The following KIF16B variants were observed in gnomAD, a reference collection of about 807,000 sequenced individuals.
The protein encoded by KIF16B is kinesin-like protein KIF16B.
Under a neutral mutation model 156.3 loss-of-function variants are expected in KIF16B, and 98 were observed. That is an observed-to-expected ratio of 0.63 (90% CI 0.53 to 0.74). The LOEUF is 0.74. KIF16B is among the 30% of genes least tolerant of loss of function. KIF16B has a pLI of 0.00. For missense variants in KIF16B, 1,421 were observed against 1,606.5 expected, an observed-to-expected ratio of 0.88 and a Z score of 1.97; for synonymous variants, 564 against 583.7, an observed-to-expected ratio of 0.97 and a Z score of 0.49.
intron 1 of KIF16B, among the ~76,000 whole-genome samples, chr20:16,566,692 T>C (rs1450010434): frequency 6.6e-6 from 1 of 152,174 alleles, no homozygotes; most frequent in Non-Finnish European, 1.5e-5. Flanking sequence ...AGGTAGAAAG[T>C]AAAAGAGCTG....
intron 22 of KIF16B, among the ~76,000 whole-genome samples, chr20:16,369,750 G>A (rs2064771354): frequency 6.6e-6 from 1 of 152,114 alleles, no homozygotes; most frequent in Non-Finnish European, 1.5e-5. Context: ...TTGTTTCATG[G>A]GGATCAAATG....
intron 22 of KIF16B, chr20:16,367,994 A>T (rs2064719209): frequency 7.0e-7 from 1 of 1,429,932 alleles, no homozygotes; most frequent in Admixed American, 2.9e-5. Context: ...GACAGGACCA[A>T]AGCATATAAA....
chr20:16,337,784 C>A (rs2064067396), intron 23 of KIF16B, among the ~76,000 whole-genome samples: 1 of 152,170 alleles, frequency 6.6e-6, no homozygotes, highest in Admixed American at 6.5e-5. Context: ...GCCCAACAAT[C>A]CACAGTCTTG....
At chr20:16,374,798 T>A (rs1193832027) in intron 19 of KIF16B, among the ~76,000 whole-genome samples, 1 of 152,216 alleles carries the variant, frequency 6.6e-6, no homozygotes, top group Middle Eastern at 3.2e-3. Flanking sequence ...ATGAAAAAGA[T>A]CTATGTTTTA....
intron 1 of KIF16B, among the ~76,000 whole-genome samples, chr20:16,538,687 AAC>A (rs200367910): frequency 1.3e-5 from 2 of 152,334 alleles, no homozygotes; most frequent in South Asian, 2.1e-4. Flanking sequence ...GAGTTAGAAG[AAC>A]ATTTATTTTT....
At chr20:16,453,680 A>C (rs887703717) in intron 12 of KIF16B, among the ~76,000 whole-genome samples, 8 of 152,334 alleles carry the variant, frequency 5.3e-5, no homozygotes, top group Non-Finnish European at 7.4e-5. Flanking sequence ...AAGGAAATGT[A>C]ATTAATCGGC....
chr20:16,320,759 A>C (rs1162074237), intron 24 of KIF16B, among the ~76,000 whole-genome samples: 1 of 152,240 alleles, frequency 6.6e-6, no homozygotes, highest in Non-Finnish European at 1.5e-5. Flanking sequence ...AGATCTCAGA[A>C]TATAACTTAA....
chr20:16,305,789 T>A (rs1230092664), intron 25 of KIF16B, among the ~76,000 whole-genome samples: 2 of 152,196 alleles, frequency 1.3e-5, no homozygotes, highest in Non-Finnish European at 2.9e-5. Context: ...TGTCTTTCTG[T>A]TCCTGGCTTA....
Position 16,368,749 on chromosome 20 carries a change from T to C in KIF16B, c.3498+1837A>G, listed in dbSNP as rs572380721. 1.3e-4 allele frequency: 128 copies of C among 985,894 alleles called. No individual in the cohort carries two copies. The African/African-American group carries it at 2.1e-3, about 17-fold the overall frequency. 61.1% of individuals were successfully genotyped at this position (985,894 alleles called of 1,614,324 possible). ...GGCACTGCAGGATGCTCTCTCCTCATGGGAAATGCCTTCAGACAGAACCAA... is the reference window on the plus strand; with the variant it reads ...GGCACTGCAGGATGCTCTCTCCTCACGGGAAATGCCTTCAGACAGAACCAA... On this transcript the variant is annotated intron_variant, in intron 22 of 25. Coordinates refer to ENST00000354981, the MANE Select transcript of KIF16B (RefSeq NM_024704.5).
intron 22 of KIF16B, among the ~76,000 whole-genome samples, chr20:16,366,109 T>C (rs979446119): frequency 1.3e-5 from 2 of 151,940 alleles, no homozygotes; most frequent in Admixed American, 6.6e-5. Flanking sequence ...TCAGAGGAGC[T>C]AGAGACCCTG....
At chr20:16,492,728 G>A (rs1600534679) in intron 12 of KIF16B, among the ~76,000 whole-genome samples, 1 of 152,084 alleles carries the variant, frequency 6.6e-6, no homozygotes, top group South Asian at 2.1e-4. Context: ...AAGAGACGGA[G>A]CTTCCATCTT....
intron 12 of KIF16B, among the ~76,000 whole-genome samples, chr20:16,447,692 T>C (rs967249972): frequency 1.1e-4 from 17 of 152,198 alleles, no homozygotes; most frequent in African/African-American, 4.1e-4. Flanking sequence ...GCTAAAGCCA[T>C]AAGCAGCTGT....
intron 1 of KIF16B, among the ~76,000 whole-genome samples, chr20:16,529,104 A>G (rs2069655176): frequency 6.6e-6 from 1 of 152,236 alleles, no homozygotes; most frequent in South Asian, 2.1e-4. Flanking sequence ...CAAAAGATGG[A>G]GAAAATCTAT....
chr20:16,370,715 T>C (rs2064797632), intron 21 of KIF16B, 79 bp from the exon 22 acceptor site: 1 of 1,028,928 alleles, frequency 9.7e-7, no homozygotes. Flanking sequence ...TTACAAGTAT[T>C]TATGGGAATG....
chr20:16,368,901 C>T (rs776119932), intron 22 of KIF16B: 9 of 985,832 alleles, frequency 9.1e-6, no homozygotes, highest in Non-Finnish European at 1.1e-5. Context: ...GAGTCATCAG[C>T]TCACTGAAAT....
intron 19 of KIF16B, among the ~76,000 whole-genome samples, chr20:16,376,999 G>C (rs1193981377): frequency 2.0e-5 from 3 of 152,196 alleles, no homozygotes; most frequent in Non-Finnish European, 4.4e-5. Flanking sequence ...GACAGCGATG[G>C]TAAATGTAAT....
Position 16,384,421 on chromosome 20 carries a change from T to A in KIF16B, c.1785-2674A>T, listed in dbSNP as rs1159053274. Reference sequence around the variant, plus strand: ...GAGTCATTCTTTCTCTTGCATGATATAGAAACTCAAGGAAAGCTAATAAAA... The same window carrying A: ...GAGTCATTCTTTCTCTTGCATGATAAAGAAACTCAAGGAAAGCTAATAAAA... On this transcript the variant is annotated intron_variant, in intron 17 of 25. Coordinates refer to ENST00000354981, the MANE Select transcript of KIF16B (RefSeq NM_024704.5). Among the ~76,000 whole-genome samples the A allele has an allele frequency of 4.6e-5, 7 of 152,246 alleles. No individual in the cohort carries two copies. The South Asian group carries it at 1.5e-3, about 32-fold the overall frequency.
chr20:16,305,741 T>C (rs2063532017), intron 25 of KIF16B, among the ~76,000 whole-genome samples: 1 of 152,152 alleles, frequency 6.6e-6, no homozygotes, highest in Non-Finnish European at 1.5e-5. Context: ...GAGATACACG[T>C]TTTTTGCTCC....
At chr20:16,403,046 C>A (rs1010823292) in intron 17 of KIF16B, among the ~76,000 whole-genome samples, 1 of 152,112 alleles carries the variant, frequency 6.6e-6, no homozygotes, top group African/African-American at 2.4e-5. Flanking sequence ...GTGAAGATAG[C>A]GTTTTGGTTT....
Sources: gnomAD v4.1 joint callset for allele counts (sites outside exome capture counted in the v4.1 genomes callset) on GRCh38, gnomAD v4.1.1 for gene constraint, MANE v1.5 for transcripts, NCBI Gene and HGNC (gene_info 2026-07-23, HGNC 2026-07-21) for gene names.